The following RASSF3 variants were observed in gnomAD, a reference collection of about 807,000 sequenced individuals.
RASSF3 encodes the protein Ras association domain family member 3.
A neutral mutation model predicts 19.9 loss-of-function variants in RASSF3; 19 were observed. That is an observed-to-expected ratio of 0.96 (90% CI 0.67 to 1.40). RASSF3 has a LOEUF of 1.40. Ranked by LOEUF, RASSF3 falls within the 40% of genes most tolerant of loss-of-function variation. RASSF3 has a pLI of 0.00. For missense variants in RASSF3, 306 were observed against 289.8 expected (o/e 1.06, Z -0.41); for synonymous variants, 110 against 104.2 (o/e 1.06, Z -0.34).
upstream of RASSF3, among the ~76,000 whole-genome samples, chr12:64,530,206 T>C (rs942185358): frequency 6.6e-6 from 1 of 152,222 alleles, no homozygotes; most frequent in African/African-American, 2.4e-5. Flanking sequence ...ATATAATATA[T>C]ATTCTTTTTT....
chr12:64,688,193 G>A (rs1264743006), intron 2 of RASSF3, 23 bp from the exon 3 acceptor site: 5 of 1,559,700 alleles, frequency 3.2e-6, no homozygotes, highest in Non-Finnish European at 4.4e-6. Context: ...CCAGCTAAGT[G>A]TGTGCTTCTC....
chr12:64,510,306 AGAAT>A (rs1188262797), intron 1 of RASSF3, among the ~76,000 whole-genome samples: 1 of 152,222 alleles, frequency 6.6e-6, no homozygotes, highest in Non-Finnish European at 1.5e-5. Flanking sequence ...GAGTTAAAAA[AGAAT>A]GAATGTATTC....
chr12:64,610,244 C>A (rs1592416902), upstream of RASSF3, among the ~76,000 whole-genome samples: 2 of 152,232 alleles, frequency 1.3e-5, no homozygotes, highest in African/African-American at 2.4e-5. Context: ...GAGCACAGCC[C>A]CAGCAGACGC....
intron 1 of RASSF3, among the ~76,000 whole-genome samples, chr12:64,657,504 A>G (rs1872201912): frequency 1.3e-5 from 2 of 152,236 alleles, no homozygotes; most frequent in African/African-American, 2.4e-5. Flanking sequence ...ATGAAAAGAA[A>G]GGGTGGGACC....
chr12:64,688,176 C>A, intron 2 of RASSF3, 40 bp from the exon 3 acceptor site: 2 of 1,425,864 alleles, frequency 1.4e-6, no homozygotes, highest in Non-Finnish European at 2.0e-6. Flanking sequence ...AAAGTGCCAC[C>A]ATCCACCCAG....
intron 2 of RASSF3, among the ~76,000 whole-genome samples, chr12:64,568,623 G>A (rs1042643168): frequency 6.6e-6 from 1 of 152,048 alleles, no homozygotes; most frequent in African/African-American, 2.4e-5. Context: ...TGTTTGGTGG[G>A]GTTCGGTTCT....
chr12:64,641,061 G>A (rs1279421517), intron 1 of RASSF3, among the ~76,000 whole-genome samples: 2 of 151,876 alleles, frequency 1.3e-5, no homozygotes, highest in Non-Finnish European at 2.9e-5. Flanking sequence ...CTTATTTAAC[G>A]TCAATCATCG....
At chr12:64,600,667 A>T (rs1211212544) in intron 2 of RASSF3, among the ~76,000 whole-genome samples, 1 of 152,194 alleles carries the variant, frequency 6.6e-6, no homozygotes, top group East Asian at 1.9e-4. Flanking sequence ...ATTAACAAAA[A>T]TTTTTAACTG....
intron 2 of RASSF3, among the ~76,000 whole-genome samples, chr12:64,563,401 C>A (rs1455919399): frequency 6.6e-6 from 1 of 151,798 alleles, no homozygotes; most frequent in Non-Finnish European, 1.5e-5. Context: ...ATCTCCTGAC[C>A]TCAGGTGATC....
rs1868300335 is a variant in RASSF3 at position 64,692,537 on chromosome 12, T to C, written c.567+958T>C. ...TCTTTTGATTCTGGTGTTTTGAAGCTTTTCAAGACATTCAGACTCATTTTG... is the reference window on the plus strand; with the variant it reads ...TCTTTTGATTCTGGTGTTTTGAAGCCTTTCAAGACATTCAGACTCATTTTG... On this transcript the variant is annotated intron_variant, in intron 4 of 4. Coordinates refer to ENST00000542104, the MANE Select transcript of RASSF3 (RefSeq NM_178169.4). Among the ~76,000 whole-genome samples, 4 of 152,184 alleles carry C rather than the reference T, an allele frequency of 2.6e-5. No individual in the cohort carries two copies. The South Asian group carries it at 8.3e-4, about 31-fold the overall frequency.
chr12:64,507,345 C>T, intron 1 of RASSF3: 1 of 398,520 alleles, frequency 2.5e-6, no homozygotes, highest in Non-Finnish European at 4.4e-6. Context: ...TTACCTCAGG[C>T]TAATGCCTTA....
chr12:64,608,636 T>C (rs2136150559), upstream of RASSF3, among the ~76,000 whole-genome samples: 1 of 152,350 alleles, frequency 6.6e-6, no homozygotes, highest in South Asian at 2.1e-4. Flanking sequence ...AAAGTATTCA[T>C]AAACTTCAAC....
upstream of RASSF3, among the ~76,000 whole-genome samples, chr12:64,529,968 C>G (rs1482889196): frequency 6.6e-6 from 1 of 152,132 alleles, no homozygotes; most frequent in Non-Finnish European, 1.5e-5. Context: ...TGAGACCCTG[C>G]AAACTTTTCT....
intron 1 of RASSF3, chr12:64,507,416 G>A (rs1868298772): frequency 2.5e-6 from 1 of 397,294 alleles, no homozygotes; most frequent in Non-Finnish European, 4.4e-6. Context: ...CCCTCGCATG[G>A]GCAGGGAGGA....
At chr12:64,674,134 C>T (rs1479594724) in intron 1 of RASSF3, among the ~76,000 whole-genome samples, 1 of 152,144 alleles carries the variant, frequency 6.6e-6, no homozygotes, top group Non-Finnish European at 1.5e-5. Context: ...AGGGGGCATG[C>T]TTTGAAGGAT....
chr12:64,586,190 G>A (rs1416488527), intron 2 of RASSF3, among the ~76,000 whole-genome samples: 3 of 152,030 alleles, frequency 2.0e-5, no homozygotes, highest in African/African-American at 7.2e-5. Context: ...TGGGCATGGT[G>A]GCGGGCGCCT....
intron 1 of RASSF3, among the ~76,000 whole-genome samples, chr12:64,537,809 T>C (rs1343734857): frequency 1.3e-5 from 2 of 152,206 alleles, no homozygotes; most frequent in Non-Finnish European, 2.9e-5. Flanking sequence ...GACTGAGTTG[T>C]TTAAACAACA....
intron 2 of RASSF3, among the ~76,000 whole-genome samples, chr12:64,568,545 C>G (rs923057452): frequency 6.6e-6 from 1 of 152,134 alleles, no homozygotes; most frequent in Non-Finnish European, 1.5e-5. Context: ...CCTTCTTCCC[C>G]TTCCTCTGTC....
At chr12:64,688,501 CT>C (rs749770774) in intron 3 of RASSF3, 48 bp downstream of exon 3, 5 of 1,320,146 alleles carry the variant, frequency 3.8e-6, no homozygotes, top group Non-Finnish European at 1.1e-6. Context: ...CTACTTGCAT[CT>C]GCTGTTCTCA....
Sources: allele counts gnomAD v4.1 joint callset (sites outside exome capture counted in the v4.1 genomes callset), GRCh38; gene constraint gnomAD v4.1.1; transcripts MANE v1.5; gene names NCBI Gene and HGNC (gene_info 2026-07-23, HGNC 2026-07-21).